The following CCR3 variants were observed in gnomAD, a reference collection of about 807,000 sequenced individuals.
CCR3 encodes the protein C-C motif chemokine receptor 3.
For missense variants in CCR3, 419 were observed against 437.5 expected, an observed-to-expected ratio of 0.96 and a Z score of 0.38; for synonymous variants, 203 against 179.2, an observed-to-expected ratio of 1.13 and a Z score of -1.06.
intron 2 of CCR3, among the ~76,000 whole-genome samples, chr3:46,214,663 G>A (rs755105471): frequency 6.6e-6 from 1 of 152,074 alleles, no homozygotes; most frequent in Non-Finnish European, 1.5e-5. Flanking sequence ...GATGTTCTGT[G>A]ATAAAACAGC....
At chr3:46,238,233 C>T (rs1700042363), upstream of CCR3, among the ~76,000 whole-genome samples, 4 of 142,264 alleles carry the variant, frequency 2.8e-5, no homozygotes, top group East Asian at 2.1e-4. Flanking sequence ...GTATTCTTGT[C>T]AGCACTTGAT....
intron 1 of CCR3, among the ~76,000 whole-genome samples, chr3:46,248,608 C>T (rs539166223): frequency 3.3e-5 from 5 of 152,076 alleles, no homozygotes; most frequent in Admixed American, 6.5e-5. Context: ...AGAATTATGC[C>T]GAGATAGGTA....
chr3:46,261,946 C>T (rs1700532746), intron 1 of CCR3, among the ~76,000 whole-genome samples: 1 of 152,188 alleles, frequency 6.6e-6, no homozygotes, highest in African/African-American at 2.4e-5. Flanking sequence ...CTACAAACCA[C>T]CACAGCAGGT....
chr3:46,247,263 A>T (rs1439639723), intron 1 of CCR3, among the ~76,000 whole-genome samples: 8 of 152,182 alleles, frequency 5.3e-5, no homozygotes, highest in Non-Finnish European at 1.2e-4. Flanking sequence ...AGAGAACAGG[A>T]GTATGACTAG....
intron 2 of CCR3, among the ~76,000 whole-genome samples, chr3:46,219,749 C>T (rs1261224488): frequency 1.3e-5 from 2 of 152,160 alleles, no homozygotes; most frequent in Admixed American, 6.5e-5. Context: ...AAAGGACACC[C>T]TTTCCAACGA....
intron 1 of CCR3, among the ~76,000 whole-genome samples, chr3:46,259,857 A>T (rs1211883977): frequency 3.9e-5 from 6 of 152,246 alleles, no homozygotes; most frequent in Non-Finnish European, 5.9e-5. Flanking sequence ...GACAAGTAAA[A>T]GATTTCAAAG....
chr3:46,253,961 T>C (rs1009023066), intron 1 of CCR3, among the ~76,000 whole-genome samples: 4 of 151,820 alleles, frequency 2.6e-5, no homozygotes, highest in Non-Finnish European at 5.9e-5. Flanking sequence ...TACTCTGATT[T>C]ATGTACCAAA....
intron 1 of CCR3, among the ~76,000 whole-genome samples, chr3:46,253,506 T>C (rs1056660049): frequency 2.0e-5 from 3 of 152,188 alleles, no homozygotes; most frequent in African/African-American, 7.2e-5. Context: ...AATTGGTCAA[T>C]GTTTGCATTA....
chr3:46,262,849 C>A (rs1700553126), intron 1 of CCR3, among the ~76,000 whole-genome samples: 1 of 152,086 alleles, frequency 6.6e-6, no homozygotes, highest in Non-Finnish European at 1.5e-5. Context: ...GAGATAGGAT[C>A]TCACTATATT....
rs1314737591 is a variant in CCR3, at chr3:46,258,142, C to T, written c.-11-7006C>T. ...CTGGAAACACTTTCACAGACACACT[C>T]AATACAATGCTTCAACAAGTTTCTA... On this transcript the variant is annotated intron_variant, in intron 1 of 1. Coordinates refer to ENST00000395940, the MANE Select transcript of CCR3 (RefSeq NM_178329.3). Among the ~76,000 whole-genome samples the T allele has an allele frequency of 2.0e-5, 3 of 152,318 alleles. No homozygotes were observed. In the East Asian group the frequency reaches 5.8e-4, roughly 29 times the overall value.
chr3:46,264,225 C>A, intron 1 of CCR3: 1 of 586,126 alleles, frequency 1.7e-6, no homozygotes, highest in South Asian at 1.9e-5. Flanking sequence ...GAGAAGCTCC[C>A]AGGGGTTTGC....
intron 2 of CCR3, among the ~76,000 whole-genome samples, chr3:46,224,662 G>T (rs1367007281): frequency 6.6e-6 from 1 of 151,090 alleles, no homozygotes; most frequent in Non-Finnish European, 1.5e-5. Flanking sequence ...GCTTGAGCCT[G>T]GGAGACGGAG....
At chr3:46,261,289 G>T (rs1451849170) in intron 1 of CCR3, among the ~76,000 whole-genome samples, 1 of 152,134 alleles carries the variant, frequency 6.6e-6, no homozygotes, top group Non-Finnish European at 1.5e-5. Context: ...AAAGGGAGTT[G>T]CATAATAAGA....
intron 2 of CCR3, among the ~76,000 whole-genome samples, chr3:46,224,563 C>A (rs1434555602): frequency 6.6e-6 from 1 of 151,644 alleles, no homozygotes; most frequent in African/African-American, 2.4e-5. Flanking sequence ...ATGGTGAAAC[C>A]CTGTCTCTAC....
chr3:46,227,281 A>T (rs6775046), intron 2 of CCR3, among the ~76,000 whole-genome samples: 27,204 of 152,106 alleles, frequency 0.18, 3,992 homozygotes, highest in African/African-American at 0.4. Context: ...ATAATAAAGT[A>T]GTTCATAGTA....
chr3:46,229,793 T>C (rs1699941417), intron 2 of CCR3, among the ~76,000 whole-genome samples: 1 of 152,130 alleles, frequency 6.6e-6, no homozygotes, highest in Admixed American at 6.6e-5. Context: ...TCTTAGATCA[T>C]GATCCTGGAT....
chr3:46,265,169 C>T lies in CCR3; in HGVS notation c.11C>T (p.Ser4Leu). 6.2e-7 allele frequency: 1 copy of T among 1,609,014 alleles called. No homozygotes were observed. Among genetic ancestry groups the T allele is most frequent in the Non-Finnish European group, 8.5e-7 (1 of 1,176,506 alleles). The part of the protein sequence containing the change: MTT[S>L]LDTVETFGTT... ...ACAGGGAGAAGTGAAATGACAACCT[C>T]ACTAGATACAGTTGAGACCTTTGGT... Residue 4 changes from serine to leucine, a missense_variant, in exon 2 of 2, where the codon TCA becomes TTA. Ser to Leu is a moderately radical substitution (Grantham distance 145). Coordinates refer to ENST00000395940, the MANE Select transcript of CCR3 (RefSeq NM_178329.3).
upstream of CCR3, among the ~76,000 whole-genome samples, chr3:46,238,412 G>C (rs1700044206): frequency 6.6e-6 from 1 of 151,680 alleles, no homozygotes; most frequent in South Asian, 2.1e-4. Flanking sequence ...TTTTTTATTG[G>C]GCTGGTTTCT....
chr3:46,260,806 G>A (rs1263722074), intron 1 of CCR3, among the ~76,000 whole-genome samples: 2 of 152,194 alleles, frequency 1.3e-5, no homozygotes, highest in Admixed American at 6.5e-5. Context: ...TTAAAAGGCA[G>A]AGAAAACACT....
Sources: gnomAD v4.1 joint callset for allele counts (sites outside exome capture counted in the v4.1 genomes callset) on GRCh38, gnomAD v4.1.1 for gene constraint, MANE v1.5 for transcripts, NCBI Gene and HGNC (gene_info 2026-07-23, HGNC 2026-07-21) for gene names.